PVT1: variants seen among roughly 807,000 people sequenced by gnomAD.
PVT1 encodes the protein Pvt1 oncogene, also known as CXCR4/PVT1 fusion.
chr8:127,908,724 T>G (rs1331025729), intron 3 of PVT1, among the ~76,000 whole-genome samples: 1 of 152,198 alleles, frequency 6.6e-6, no homozygotes, highest in Non-Finnish European at 1.5e-5. Context: ...GCAGTAGCAC[T>G]GCTGGTTTCA....
intron 3 of PVT1, among the ~76,000 whole-genome samples, chr8:127,940,925 G>T (rs1465270500): frequency 6.6e-6 from 1 of 152,170 alleles, no homozygotes; most frequent in Non-Finnish European, 1.5e-5. Context: ...CTAGGGCAGA[G>T]GTCAGACATG....
At chr8:127,896,849 T>C (rs1815685322) in intron 3 of PVT1, among the ~76,000 whole-genome samples, 1 of 147,518 alleles carries the variant, frequency 6.8e-6, no homozygotes, top group Non-Finnish European at 1.5e-5. Context: ...ACTTTCTTCA[T>C]CTGCAAACCA....
intron 4 of PVT1, among the ~76,000 whole-genome samples, chr8:128,043,924 T>C (rs1460854065): frequency 6.7e-6 from 1 of 149,686 alleles, no homozygotes; most frequent in Non-Finnish European, 1.5e-5. Flanking sequence ...CCTCCTGAGC[T>C]CAAGTGGTCC....
intron 2 of PVT1, among the ~76,000 whole-genome samples, chr8:127,825,911 C>T (rs986605958): frequency 9.2e-5 from 14 of 151,762 alleles, no homozygotes; most frequent in African/African-American, 3.4e-4. Context: ...AGTGCAGTCG[C>T]ACAATCATGG....
chr8:127,955,201 G>A (rs561942827), intron 3 of PVT1, among the ~76,000 whole-genome samples: 14 of 152,262 alleles, frequency 9.2e-5, no homozygotes, highest in African/African-American at 2.4e-4. Context: ...ACCAGGATGC[G>A]CACACACAGA....
intron 4 of PVT1, among the ~76,000 whole-genome samples, chr8:128,003,093 G>A (rs1484416025): frequency 1.3e-5 from 2 of 149,536 alleles, no homozygotes; most frequent in Admixed American, 1.3e-4. Context: ...CATCTCCCAG[G>A]CAGGTTCAAG....
At chr8:128,047,575 A>G (rs565907555) in intron 4 of PVT1, among the ~76,000 whole-genome samples, 1 of 152,370 alleles carries the variant, frequency 6.6e-6, no homozygotes, top group South Asian at 2.1e-4. Context: ...AGGAAAAGCC[A>G]AGCTTAAAAA....
intron 3 of PVT1, among the ~76,000 whole-genome samples, chr8:127,972,180 C>T (rs974925547): frequency 6.6e-6 from 1 of 152,228 alleles, no homozygotes. Flanking sequence ...AAGTTCTGCC[C>T]CAGGGGCTTG....
Position 127,937,576 on chromosome 8 carries a change from C to CAGAGAGAGAGAGAGAGAGAG in PVT1, n.782+46579_782+46580insGAGAGAGAGAGAGAGAGAGA, listed in dbSNP as rs774441674. ...ACACACACACACACACACACACACA[C>CAGAGAGAGAGAGAGAGAGAG]ACACAGAGAGAGAGAGAGAGAGAGA... On this transcript the variant is annotated intron_variant and non_coding_transcript_variant, in intron 3 of 10. Coordinates refer to ENST00000651587, the Ensembl canonical transcript of PVT1. Among the ~76,000 whole-genome samples the CAGAGAGAGAGAGAGAGAGAG allele has an allele frequency of 8.1e-4, 99 of 122,494 alleles. 1 individual carries two copies. Among genetic ancestry groups the CAGAGAGAGAGAGAGAGAGAG allele is most frequent in the Middle Eastern group, 8.4e-3 (2 of 238 alleles). 80.4% of individuals were successfully genotyped at this position (122,494 alleles called of 152,430 possible). A position where few individuals can be genotyped will look rare whatever the true frequency, so the allele number is the denominator to read the frequency against.
At chr8:127,849,210 T>C (rs537512270) in intron 2 of PVT1, among the ~76,000 whole-genome samples, 1 of 152,184 alleles carries the variant, frequency 6.6e-6, no homozygotes, top group Admixed American at 6.5e-5. Flanking sequence ...CCTGGAGGTT[T>C]TAGGCTGGCA....
intron 5 of PVT1, among the ~76,000 whole-genome samples, chr8:128,072,539 T>C (rs1022014620): frequency 2.1e-4 from 32 of 152,234 alleles, no homozygotes; most frequent in African/African-American, 7.7e-4. Context: ...ATGTGTCTCA[T>C]CTCAGTTTCC....
rs370445993 is a variant in PVT1 at position 127,941,148 on chromosome 8, A to G, written n.783-48014A>G. Among the ~76,000 whole-genome samples the G allele has an allele frequency of 9.2e-5, 14 of 152,296 alleles. No homozygotes were observed. The East Asian group carries it at 1.9e-3, about 21-fold the overall frequency. ...TTGTGGCCTCCTCTCTCCATTTTCA[A>G]GTCCAGCAATGGTGGGTCCAGTTCC... On this transcript the variant is annotated intron_variant and non_coding_transcript_variant, in intron 3 of 10. Transcript: ENST00000651587.
intron 2 of PVT1, among the ~76,000 whole-genome samples, chr8:127,819,137 CA>C (rs1814700310): frequency 6.6e-6 from 1 of 152,196 alleles, no homozygotes; most frequent in South Asian, 2.1e-4. Context: ...GGGGCTATAG[CA>C]AAATCCGTGC....
chr8:127,933,266 G>A (rs565599868), intron 3 of PVT1, among the ~76,000 whole-genome samples: 28 of 152,216 alleles, frequency 1.8e-4, no homozygotes, highest in African/African-American at 5.8e-4. Flanking sequence ...GTAGAGATGG[G>A]GTTTCTCCAT....
chr8:127,846,527 A>G (rs540840972), intron 2 of PVT1, among the ~76,000 whole-genome samples: 6 of 151,948 alleles, frequency 3.9e-5, no homozygotes, highest in African/African-American at 1.4e-4. Context: ...TCCTGGATCA[A>G]CTCCCTGATG....
At chr8:127,911,301 G>A (rs949984129) in intron 3 of PVT1, among the ~76,000 whole-genome samples, 33 of 152,192 alleles carry the variant, frequency 2.2e-4, no homozygotes, top group Middle Eastern at 3.2e-3. Flanking sequence ...AGTTGAGTGC[G>A]TCCAGATGCA....
chr8:127,937,073 G>T (rs1038057609), intron 3 of PVT1, among the ~76,000 whole-genome samples: 10 of 152,220 alleles, frequency 6.6e-5, no homozygotes. Context: ...CCTCGGGCTT[G>T]CAGCCCGCAT....
rs1181623236 is a variant in PVT1, at chr8:127,914,815, G to GTTTT, written n.782+23833_782+23836dup. On this transcript the variant is annotated intron_variant and non_coding_transcript_variant, in intron 3 of 10. Transcript: ENST00000651587. Reference sequence around the variant, plus strand: ...CTTAATGGGTACAAAGTTGTTGTTGGTTTTTTTTTTTTTTTTTTTGAGACC... The same window carrying GTTTT: ...CTTAATGGGTACAAAGTTGTTGTTGGTTTTTTTTTTTTTTTTTTTTTTTGAGACC... Among the ~76,000 whole-genome samples, 178 of 130,808 alleles carry GTTTT rather than the reference G, an allele frequency of 1.4e-3. 1 individual carries two copies. The highest frequency in any genetic ancestry group is 4.9e-3 in the African/African-American group (169 of 34,278). The allele number at this position is 130,808 out of a possible 152,430, so 85.8% of individuals were successfully genotyped here.
At chr8:127,804,434 G>A (rs182643401) in intron 2 of PVT1, among the ~76,000 whole-genome samples, 4 of 152,030 alleles carry the variant, frequency 2.6e-5, no homozygotes, top group Admixed American at 6.5e-5. Flanking sequence ...GCCTCCCAAA[G>A]TGTTGAGATT....
Sources: allele counts gnomAD v4.1 joint callset (sites outside exome capture counted in the v4.1 genomes callset), GRCh38; gene constraint gnomAD v4.1.1; transcripts MANE v1.5; gene names NCBI Gene and HGNC (gene_info 2026-07-23, HGNC 2026-07-21).